Variants in DOCK6 observed in about 807,000 individuals in gnomAD.
DOCK6 encodes dedicator of cytokinesis protein 6.
In DOCK6, 167 loss-of-function variants were observed where a neutral mutation model predicts 230.3. The ratio of observed to expected loss-of-function variants is 0.73; its 90% CI spans 0.64 to 0.82. The LOEUF is 0.82. Ranked by LOEUF, DOCK6 falls within the 40% of genes least tolerant of loss-of-function variation. The pLI is 0.00. For missense variants in DOCK6, 2,598 were observed against 2,825.8 expected, an observed-to-expected ratio of 0.92 and a Z score of 1.83; for synonymous variants, 1,148 against 1,185.0, an observed-to-expected ratio of 0.97 and a Z score of 0.64.
chr19:11,217,052 G>A lies in DOCK6; in HGVS notation c.3756C>T (p.Thr1252=), dbSNP rs1212161282. 6.2e-7 allele frequency: 1 copy of A among 1,613,574 alleles called. No individual in the cohort carries two copies. The highest frequency in any genetic ancestry group is 2.2e-5 in the East Asian group (1 of 44,884). Residue 1252 remains threonine (T), a synonymous_variant, in exon 30 of 48, where the codon ACC becomes ACT. Coordinates refer to ENST00000294618, the MANE Select transcript of DOCK6 (RefSeq NM_020812.4). ...GCACCCACAGCACACACGCCAGCAA[G>A]GTCCGGCTTGACTCAGCAGAGAGGG... ...GCALSAESSR[T]LLACVLWVLK... is the part of the protein sequence containing the mutation.
intron 22 of DOCK6, chr19:11,229,327 C>T: frequency 8.6e-7 from 1 of 1,166,006 alleles, no homozygotes; most frequent in Non-Finnish European, 1.1e-6. Flanking sequence ...AGCTGGGTGG[C>T]TGGTGGGGCC....
chr19:11,247,721 G>A lies in DOCK6; in HGVS notation c.806+345C>T, dbSNP rs181967982. On this transcript the variant is annotated intron_variant, in intron 7 of 47. Transcript: ENST00000294618. ...GATCCCAGCAGCAGAGCAGGCAAGC[G>A]CCAGACTCCAGCCTTACAAGTTGTA... 162 of 190,690 alleles carry A rather than the reference G, an allele frequency of 8.5e-4. 4 individuals carry two copies. The Admixed American group carries it at 8.8e-3, about 10-fold the overall frequency. 11.8% of individuals were successfully genotyped at this position (190,690 alleles called of 1,614,324 possible).
At chr19:11,253,167 A>G (rs1184412786) in intron 2 of DOCK6, among the ~76,000 whole-genome samples, 1 of 152,032 alleles carries the variant, frequency 6.6e-6, no homozygotes, top group East Asian at 1.9e-4. Flanking sequence ...CCCTCCCTCC[A>G]GGGGCTCCAG....
chr19:11,209,143 C>T, intron 37 of DOCK6, 40 bp from the exon 38 acceptor site: 1 of 1,573,706 alleles, frequency 6.4e-7, no homozygotes, highest in Non-Finnish European at 8.6e-7. Flanking sequence ...AGGGGACTCA[C>T]CTGGTCCTCC....
chr19:11,215,999 C>T, intron 30 of DOCK6, 72 bp from the exon 31 acceptor site: 5 of 1,582,600 alleles, frequency 3.2e-6, no homozygotes, highest in Non-Finnish European at 2.6e-6. Context: ...GGCCCCATCC[C>T]TTTCTTTGTG....
chr19:11,228,130 T>A (rs963477027), intron 23 of DOCK6, among the ~76,000 whole-genome samples: 13 of 151,246 alleles, frequency 8.6e-5, no homozygotes, highest in Non-Finnish European at 1.5e-4. Flanking sequence ...CCTGCCTCAG[T>A]CTCCCATGTA....
At position 11,236,851 on chromosome 19, in the gene DOCK6, T is replaced by C. The variant is rs1275835985; in HGVS notation, c.2102A>G (p.Asp701Gly). Reference protein sequence around the residue: ...DVALPGMRWVDGHKGVFSVEL... With the variant: ...DVALPGMRWVGGHKGVFSVEL... ...CACACTGAACACGCCCTTGTGACCG[T>C]CCACCCAGCGCATGCCCGGAAGCGC... The change falls in exon 19 of 48, where the codon GAC (aspartate) becomes GGC (glycine). Residue 701 changes from aspartate to glycine, a missense_variant. By Grantham distance (94) the Asp-to-Gly change is moderately conservative (BLOSUM62 -1). Coordinates refer to ENST00000294618, the MANE Select transcript of DOCK6 (RefSeq NM_020812.4). This position sits in a 1 kb window ranked among gnomAD's most constrained non-coding sequence, Gnocchi z 5.2. 4 of 1,555,322 alleles carry C rather than the reference T, an allele frequency of 2.6e-6. No homozygotes were observed. Among genetic ancestry groups the C allele is most frequent in the Non-Finnish European group, 3.5e-6 (4 of 1,149,678 alleles).
rs780731131 is a variant in DOCK6 at position 11,243,925 on chromosome 19, GCT to G, written c.1024-45_1024-44del. On this transcript the variant is annotated intron_variant, in intron 9 of 47. Transcript: ENST00000294618. The surrounding 1 kb of genome is among the most constrained non-coding windows in gnomAD (Gnocchi z 6.3). The stretch of plus-strand genomic sequence containing the variant: ...GAATCCAGTGAGGCGCTGCCCGAAC[GCT>G]CTGTTCCCCCGTGCTGGCTCCCCAG... 4.5e-6 allele frequency: 7 copies of G among 1,567,258 alleles called. No individual in the cohort carries two copies. The highest frequency in any genetic ancestry group is 1.2e-5 in the South Asian group (1 of 85,266).
Position 11,235,764 on chromosome 19 carries a change from A to G in DOCK6, c.2393-5T>C. On this transcript the variant is annotated splice_polypyrimidine_tract_variant and splice_region_variant and intron_variant, in intron 20 of 47. Transcript: ENST00000294618. ...AGGCTCCACGGCCCAGGTTCACTGC[A>G]GGGCAGAGCAGAGGTCAAGTTCCAG... 1 of 1,582,052 alleles carries G rather than the reference A, an allele frequency of 6.3e-7. No individual in the cohort carries two copies.
At chr19:11,235,088 G>A (rs548673508) in intron 21 of DOCK6, among the ~76,000 whole-genome samples, 4 of 151,918 alleles carry the variant, frequency 2.6e-5, no homozygotes, top group African/African-American at 4.8e-5. Context: ...GGCTACAGGC[G>A]TGCGCCACCA....
chr19:11,257,288 T>C (rs1295882406), intron 1 of DOCK6, among the ~76,000 whole-genome samples: 2 of 151,810 alleles, frequency 1.3e-5, no homozygotes, highest in Non-Finnish European at 2.9e-5. Context: ...TGAGCCACTG[T>C]GCCTGGCCTC....
At chr19:11,251,438 C>A (rs541095382) in intron 5 of DOCK6, 56 of 209,922 alleles carry the variant, frequency 2.7e-4, no homozygotes, top group African/African-American at 1.3e-3. Flanking sequence ...TTCACTGTCG[C>A]CAGGGAAGGA....
intron 23 of DOCK6, among the ~76,000 whole-genome samples, chr19:11,227,845 G>A (rs919239408): frequency 2.0e-5 from 3 of 151,876 alleles, no homozygotes; most frequent in Admixed American, 6.6e-5. Flanking sequence ...TCTCCCCAGG[G>A]CAAGTCAGAG....
chr19:11,213,858 A>G (rs2079435274), intron 34 of DOCK6, among the ~76,000 whole-genome samples: 1 of 144,220 alleles, frequency 6.9e-6, no homozygotes. Context: ...GTCCAGTGGC[A>G]CGATCATGGC....
At chr19:11,258,319 A>G (rs1202681790) in intron 1 of DOCK6, among the ~76,000 whole-genome samples, 2 of 152,152 alleles carry the variant, frequency 1.3e-5, no homozygotes, top group African/African-American at 4.8e-5. Context: ...TGCGGGAGGG[A>G]GCCAGGAAGG....
chr19:11,220,154 A>T (rs974674082), intron 28 of DOCK6, among the ~76,000 whole-genome samples: 1 of 152,002 alleles, frequency 6.6e-6, no homozygotes, highest in East Asian at 1.9e-4. Context: ...GGGTTTTACC[A>T]TGTTGTCCAG....
At chr19:11,246,377 A>G (rs918301571) in intron 7 of DOCK6, among the ~76,000 whole-genome samples, 4 of 152,050 alleles carry the variant, frequency 2.6e-5, no homozygotes, top group Non-Finnish European at 5.9e-5. Context: ...AAGTGCTGGG[A>G]TAATAGGCAT....
Position 11,243,417 on chromosome 19 carries a change from G to A in DOCK6, c.1259-32C>T, listed in dbSNP as rs765840145. On this transcript the variant is annotated intron_variant, in intron 11 of 47. Coordinates refer to ENST00000294618, the MANE Select transcript of DOCK6 (RefSeq NM_020812.4). This position sits in a 1 kb window ranked among gnomAD's most constrained non-coding sequence, Gnocchi z 6.3. The stretch of plus-strand genomic sequence containing the variant: ...GAGGGAATGACAATGACAAAAGGGG[G>A]ACCAAGATGAAACAGGGAGACTCAG... The A allele has an allele frequency of 2.5e-6, 4 of 1,593,050 alleles. No individual in the cohort carries two copies. The highest frequency in any genetic ancestry group is 1.8e-4 in the Middle Eastern group (1 of 5,666).
In DOCK6 at chr19:11,201,211, G is replaced by C. The variant is rs755494673; in HGVS notation, c.5689-159C>G. Among the ~76,000 whole-genome samples, 1 of 151,900 alleles carries C rather than the reference G, an allele frequency of 6.6e-6. No homozygotes were observed. Among genetic ancestry groups the C allele is most frequent in the East Asian group, 1.9e-4 (1 of 5,162 alleles). ...CCTTCCTGGGTCTGACTCTGGGGGG[G>C]TCCAGCCTTGGGTCTGCTGGGTCTG... On this transcript the variant is annotated intron_variant, in intron 44 of 47. Coordinates refer to ENST00000294618, the MANE Select transcript of DOCK6 (RefSeq NM_020812.4). The surrounding 1 kb of genome is among the most constrained non-coding windows in gnomAD (Gnocchi z 4.3).
Sources: gnomAD v4.1 joint callset for allele counts (sites outside exome capture counted in the v4.1 genomes callset) on GRCh38, gnomAD v4.1.1 for gene constraint, Gnocchi (gnomAD v3.1) non-coding constraint, MANE v1.5 for transcripts, NCBI Gene and HGNC (gene_info 2026-07-23, HGNC 2026-07-21) for gene names.